Variants in PTPRN2 observed in about 807,000 individuals in gnomAD.
PTPRN2 encodes the protein protein tyrosine phosphatase receptor type N2.
Under a neutral mutation model 118.8 loss-of-function variants are expected in PTPRN2, and 74 were observed. The ratio of observed to expected loss-of-function variants is 0.62; its 90% CI spans 0.52 to 0.76. The LOEUF (loss-of-function observed/expected upper bound fraction) is 0.76, where lower values mean the gene tolerates loss of function less well. Ranked by LOEUF, PTPRN2 falls within the 30% of genes least tolerant of loss-of-function variation. The pLI, the probability that PTPRN2 is intolerant of heterozygous loss-of-function variation, is 0.00. For missense variants in PTPRN2, 1,481 were observed against 1,394.4 expected, an observed-to-expected ratio of 1.06 and a Z score of -0.99; for synonymous variants, 641 against 608.0, an observed-to-expected ratio of 1.05 and a Z score of -0.80.
At chr7:158,303,168 CA>C (rs542953447) in intron 3 of PTPRN2, among the ~76,000 whole-genome samples, 4,090 of 119,664 alleles carry the variant, frequency 0.034, 96 homozygotes, top group African/African-American at 0.077. Flanking sequence ...ACTAACCCAC[CA>C]AAAAAAAAAA....
chr7:157,970,228 A>G (rs772303133), intron 11 of PTPRN2, among the ~76,000 whole-genome samples: 10 of 152,230 alleles, frequency 6.6e-5, no homozygotes, highest in African/African-American at 9.6e-5. Flanking sequence ...CCTTTGCCCT[A>G]TGAACTCCCC....
Position 158,546,186 on chromosome 7 carries a change from G to A in PTPRN2, c.112+41372C>T, listed in dbSNP as rs1427924478. On this transcript the variant is annotated intron_variant, in intron 1 of 22. Transcript: ENST00000389418. The surrounding 1 kb of genome is among the most constrained non-coding windows in gnomAD (Gnocchi z 5.0). ...CAGGAAGGGGGAAGGGGCTGGACAC[G>A]GCCTGTCTCCTCCCTGAGAGGAACC... 2.6e-5 allele frequency among the ~76,000 whole-genome samples: 4 copies of A among 152,154 alleles called. No individual in the cohort carries two copies. The highest frequency in any genetic ancestry group is 4.4e-5 in the Non-Finnish European group (3 of 68,016).
Position 158,047,031 on chromosome 7 carries a change from C to T in PTPRN2, c.1723+34267G>A, listed in dbSNP as rs1213809688. Among the ~76,000 whole-genome samples, 9 of 152,328 alleles carry T rather than the reference C, an allele frequency of 5.9e-5. No individual in the cohort carries two copies. In the East Asian group the frequency reaches 1.5e-3, roughly 26 times the overall value. On this transcript the variant is annotated intron_variant, in intron 11 of 22. Coordinates refer to ENST00000389418, the MANE Select transcript of PTPRN2 (RefSeq NM_002847.5). ...CTGCGAGGGAGGCCTGGCCTAAAAACGCCCCCGCCCCTCGCCCCGGAATGG... is the reference window on the plus strand; with the variant it reads ...CTGCGAGGGAGGCCTGGCCTAAAAATGCCCCCGCCCCTCGCCCCGGAATGG...
chr7:158,243,921 T>C (rs1796039767), intron 3 of PTPRN2, among the ~76,000 whole-genome samples: 3 of 152,206 alleles, frequency 2.0e-5, no homozygotes, highest in South Asian at 4.1e-4. Context: ...TAAGTAGCAG[T>C]CTTTGCTTAG....
intron 11 of PTPRN2, among the ~76,000 whole-genome samples, chr7:158,071,068 CGTG>C (rs1296756813): frequency 3.0e-4 from 16 of 53,564 alleles, no homozygotes; most frequent in African/African-American, 7.1e-4. Flanking sequence ...TGGAGGTGCT[CGTG>C]GTGGTGGAGG....
rs550197755 is a variant in PTPRN2 at position 158,546,999 on chromosome 7, G to A, written c.112+40559C>T. The stretch of plus-strand genomic sequence containing the variant: ...CAGAGCTCAGAGCTCACGGCAGAGC[G>A]GCACAGAAAGAAGCTCAGACCCAGG... On this transcript the variant is annotated intron_variant, in intron 1 of 22. Coordinates refer to ENST00000389418, the MANE Select transcript of PTPRN2 (RefSeq NM_002847.5). The surrounding 1 kb of genome is among the most constrained non-coding windows in gnomAD (Gnocchi z 5.0). 1.0e-3 allele frequency among the ~76,000 whole-genome samples: 152 copies of A among 152,264 alleles called. 1 individual carries two copies. The highest frequency in any genetic ancestry group is 3.2e-3 in the African/African-American group (133 of 41,558).
intron 11 of PTPRN2, among the ~76,000 whole-genome samples, chr7:157,948,896 T>A (rs559038888): frequency 1.3e-4 from 20 of 152,294 alleles, no homozygotes; most frequent in African/African-American, 4.8e-4. Context: ...ATATGCAGAT[T>A]TTTTTCAACC....
chr7:158,547,511 A>G (rs1157237780), intron 1 of PTPRN2, among the ~76,000 whole-genome samples: 2 of 152,116 alleles, frequency 1.3e-5, no homozygotes, highest in African/African-American at 4.8e-5. Flanking sequence ...ATTCCATTCC[A>G]TATAATGTTC....
chr7:158,501,628 G>A (rs960378845), intron 1 of PTPRN2, among the ~76,000 whole-genome samples: 1 of 152,218 alleles, frequency 6.6e-6, no homozygotes, highest in African/African-American at 2.4e-5. Context: ...ACAGCAGAGG[G>A]AGGGGCAGTG....
chr7:158,189,516 G>A (rs1330493394), intron 5 of PTPRN2, among the ~76,000 whole-genome samples: 3 of 152,190 alleles, frequency 2.0e-5, no homozygotes, highest in African/African-American at 7.2e-5. Flanking sequence ...AGTAGCCCGT[G>A]AAGAGGGCCC....
Position 158,544,010 on chromosome 7 carries a change from G to A in PTPRN2, c.112+43548C>T, listed in dbSNP as rs964511717. 6.6e-6 allele frequency among the ~76,000 whole-genome samples: 1 copy of A among 152,208 alleles called. No individual in the cohort carries two copies. The highest frequency in any genetic ancestry group is 1.5e-5 in the Non-Finnish European group (1 of 68,042). On this transcript the variant is annotated intron_variant, in intron 1 of 22. Transcript: ENST00000389418. The surrounding 1 kb of genome is among the most constrained non-coding windows in gnomAD (Gnocchi z 4.2). ...AACCAGGGCAGCCCCAACTGGCCGG[G>A]AAAGCTCCTCTGGGCTCTGCCCCTC...
At chr7:157,661,833 C>T (rs1795907516) in intron 13 of PTPRN2, among the ~76,000 whole-genome samples, 1 of 152,204 alleles carries the variant, frequency 6.6e-6, no homozygotes, top group South Asian at 2.1e-4. Flanking sequence ...ATGTTTCCCT[C>T]ACATCACCAG....
chr7:158,377,861 C>G (rs1026005713), intron 2 of PTPRN2, among the ~76,000 whole-genome samples: 2 of 152,178 alleles, frequency 1.3e-5, no homozygotes, highest in African/African-American at 4.8e-5. Context: ...AAGCCTCCCC[C>G]ACAGTCCACA....
At position 157,787,179 on chromosome 7, in the gene PTPRN2, G is replaced by T. The variant is rs1400062733; in HGVS notation, c.1789-104242C>A. Among the ~76,000 whole-genome samples, 9 of 150,192 alleles carry T rather than the reference G, an allele frequency of 6.0e-5. No individual in the cohort carries two copies. Among genetic ancestry groups the T allele is most frequent in the African/African-American group, 2.2e-4 (9 of 41,338 alleles). On this transcript the variant is annotated intron_variant, in intron 12 of 22. Coordinates refer to ENST00000389418, the MANE Select transcript of PTPRN2 (RefSeq NM_002847.5). This position sits in a 1 kb window ranked among gnomAD's most constrained non-coding sequence, Gnocchi z 5.3. ...CGCGGGTGCGGCGGGGGACGCGGGG[G>T]TGGCTGCCCGGGACTGGCTCTTCTG... is the stretch of plus-strand genomic sequence containing the variant.
At chr7:158,009,285 C>G (rs1031378195) in intron 11 of PTPRN2, among the ~76,000 whole-genome samples, 4 of 152,108 alleles carry the variant, frequency 2.6e-5, no homozygotes, top group Non-Finnish European at 4.4e-5. Context: ...AGTTCTGAGG[C>G]ACGATTATAC....
intron 3 of PTPRN2, among the ~76,000 whole-genome samples, chr7:158,231,025 G>A (rs910913491): frequency 6.6e-6 from 1 of 152,198 alleles, no homozygotes; most frequent in African/African-American, 2.4e-5. Context: ...TCAGCACTTT[G>A]ACAGGCCAAG....
At chr7:157,851,976 G>A (rs879529345) in intron 12 of PTPRN2, among the ~76,000 whole-genome samples, 5 of 152,226 alleles carry the variant, frequency 3.3e-5, no homozygotes, top group Non-Finnish European at 7.3e-5. Context: ...AAGAGGACGT[G>A]TTACTCAAAT....
At chr7:157,894,380 G>A (rs1408731312) in intron 12 of PTPRN2, among the ~76,000 whole-genome samples, 1 of 150,678 alleles carries the variant, frequency 6.6e-6, no homozygotes, top group Non-Finnish European at 1.5e-5. Context: ...GAAGCTGAGA[G>A]CTGGGGTGTG....
chr7:157,871,467 G>A (rs1422883823), intron 12 of PTPRN2, among the ~76,000 whole-genome samples: 1 of 152,020 alleles, frequency 6.6e-6, no homozygotes, highest in Non-Finnish European at 1.5e-5. Flanking sequence ...CCTCTAAATT[G>A]GACTCAAGGT....
Sources: allele counts gnomAD v4.1 joint callset (sites outside exome capture counted in the v4.1 genomes callset), GRCh38; gene constraint gnomAD v4.1.1; non-coding constraint Gnocchi (gnomAD v3.1); transcripts MANE v1.5; gene names NCBI Gene and HGNC (gene_info 2026-07-23, HGNC 2026-07-21).